Variants in NDUFAF2 observed in about 807,000 individuals in gnomAD.
NDUFAF2 encodes the protein NADH:ubiquinone oxidoreductase complex assembly factor 2.
In NDUFAF2, 13 loss-of-function variants were observed where a neutral mutation model predicts 22.8. The observed-to-expected ratio is 0.57, with a 90% CI of 0.37 to 0.91. The LOEUF is 0.91. NDUFAF2 is among the 40% of genes least tolerant of loss of function. The pLI is 0.01. For missense variants in NDUFAF2, 162 were observed against 195.2 expected (o/e 0.83, Z 1.01); for synonymous variants, 53 against 64.2 (o/e 0.83, Z 0.84).
At chr5:61,114,799 A>C (rs2613632) in intron 3 of NDUFAF2, 6,605 of 152,178 alleles carry the variant, frequency 0.043, 174 homozygotes, top group South Asian at 0.08. Flanking sequence ...GCAGACTTGT[A>C]GAAGTATTGT....
At chr5:61,089,111 T>C (rs772499202) in intron 2 of NDUFAF2, among the ~76,000 whole-genome samples, 1 of 152,168 alleles carries the variant, frequency 6.6e-6, no homozygotes, top group Non-Finnish European at 1.5e-5. Context: ...CTTTAAGTGA[T>C]TAAAGGGTGC....
chr5:60,986,266 G>A (rs1751074164), intron 1 of NDUFAF2, among the ~76,000 whole-genome samples: 1 of 152,138 alleles, frequency 6.6e-6, no homozygotes, highest in Non-Finnish European at 1.5e-5. Context: ...AGAGATGACT[G>A]GATAAAATGT....
At position 61,008,002 on chromosome 5, in the gene NDUFAF2, G is replaced by A. The variant is rs544135891; in HGVS notation, c.127+62620G>A. 1.9e-3 allele frequency among the ~76,000 whole-genome samples: 286 copies of A among 152,090 alleles called. 1 individual carries two copies. Among genetic ancestry groups the A allele is most frequent in the Non-Finnish European group, 3.0e-3 (205 of 67,992 alleles). ...AAATGATGATTTCATGTCCTTTGTAGGGACATGCATGAAATTGGAAATCAT... is the reference window on the plus strand; with the variant it reads ...AAATGATGATTTCATGTCCTTTGTAAGGACATGCATGAAATTGGAAATCAT... On this transcript the variant is annotated intron_variant, in intron 1 of 3. Coordinates refer to ENST00000296597, the MANE Select transcript of NDUFAF2 (RefSeq NM_174889.5).
At chr5:60,969,281 A>C (rs169700) in intron 1 of NDUFAF2, among the ~76,000 whole-genome samples, 100,211 of 151,812 alleles carry the variant, frequency 0.66, 33,454 homozygotes, top group East Asian at 0.94. Flanking sequence ...TTCTGAGGAA[A>C]CTCCAAACTG....
At chr5:60,953,741 A>T (rs1024672630) in intron 1 of NDUFAF2, among the ~76,000 whole-genome samples, 3 of 152,190 alleles carry the variant, frequency 2.0e-5, no homozygotes, top group African/African-American at 7.2e-5. Context: ...GAGGAAGAGT[A>T]TATGCATAAT....
At chr5:61,141,799 G>A (rs2111826621) in intron 3 of NDUFAF2, among the ~76,000 whole-genome samples, 1 of 152,128 alleles carries the variant, frequency 6.6e-6, no homozygotes, top group Middle Eastern at 3.4e-3. Context: ...TATTCTCTAG[G>A]GCAGGCTCTA....
chr5:61,097,741 A>G (rs1326805657), intron 2 of NDUFAF2, among the ~76,000 whole-genome samples: 1 of 152,176 alleles, frequency 6.6e-6, no homozygotes, highest in Non-Finnish European at 1.5e-5. Flanking sequence ...TTAGGGTCAC[A>G]CCTAGCCTGG....
intron 1 of NDUFAF2, among the ~76,000 whole-genome samples, chr5:61,030,953 A>T (rs567917549): frequency 1.3e-5 from 2 of 152,210 alleles, no homozygotes; most frequent in East Asian, 3.9e-4. Flanking sequence ...CCTTTGCCTT[A>T]GGTATCCCAC....
chr5:61,056,909 AAAAAAAAAAAATATATATATATATAT>A (rs1179537885), intron 1 of NDUFAF2, among the ~76,000 whole-genome samples: 32 of 42,208 alleles, frequency 7.6e-4, no homozygotes, highest in African/African-American at 2.9e-3. Context: ...AAAAAAAAAA[AAAAAAAAAAAATATATATATATATAT>A]ATATATATAT....
At chr5:61,049,057 T>C (rs1288023322) in intron 1 of NDUFAF2, among the ~76,000 whole-genome samples, 1 of 152,184 alleles carries the variant, frequency 6.6e-6, no homozygotes, top group Non-Finnish European at 1.5e-5. Context: ...CAGTATATTA[T>C]ATTAGAGTTT....
chr5:61,022,308 A>C (rs933474681), intron 1 of NDUFAF2, among the ~76,000 whole-genome samples: 11 of 152,160 alleles, frequency 7.2e-5, no homozygotes, highest in Admixed American at 5.9e-4. Flanking sequence ...ATATTCTTGC[A>C]TTCCATTCTC....
At chr5:61,115,711 C>G (rs1367074370) in intron 3 of NDUFAF2, 1 of 151,980 alleles carries the variant, frequency 6.6e-6, no homozygotes, top group Non-Finnish European at 1.5e-5. Context: ...TACATGACAG[C>G]TAAATGTAAC....
At chr5:61,100,003 A>G (rs1752687403) in intron 3 of NDUFAF2, among the ~76,000 whole-genome samples, 1 of 152,200 alleles carries the variant, frequency 6.6e-6, no homozygotes, top group South Asian at 2.1e-4. Context: ...TCATTCGGCC[A>G]GGGTCTGACT....
intron 1 of NDUFAF2, among the ~76,000 whole-genome samples, chr5:60,965,040 C>T (rs879583875): frequency 6.6e-6 from 1 of 152,156 alleles, no homozygotes; most frequent in Non-Finnish European, 1.5e-5. Flanking sequence ...GGTTCCCAAA[C>T]CTGGCCAATT....
At chr5:60,979,565 G>A (rs1750948650) in intron 1 of NDUFAF2, among the ~76,000 whole-genome samples, 1 of 152,166 alleles carries the variant, frequency 6.6e-6, no homozygotes, top group African/African-American at 2.4e-5. Context: ...GCCATAGGGT[G>A]AGACTTCTCT....
chr5:61,128,523 A>T (rs1579845172), intron 3 of NDUFAF2, among the ~76,000 whole-genome samples: 1 of 152,230 alleles, frequency 6.6e-6, no homozygotes, highest in African/African-American at 2.4e-5. Context: ...ATCTTTGATG[A>T]ACCTGACAAA....
chr5:60,976,254 G>A (rs565192712), intron 1 of NDUFAF2, among the ~76,000 whole-genome samples: 7 of 150,404 alleles, frequency 4.7e-5, no homozygotes, highest in Admixed American at 2.0e-4. Context: ...GTTTTAATAC[G>A]TCTCTAATTC....
chr5:60,996,693 A>G (rs1751232910), intron 1 of NDUFAF2, among the ~76,000 whole-genome samples: 1 of 152,152 alleles, frequency 6.6e-6, no homozygotes, highest in African/African-American at 2.4e-5. Flanking sequence ...GAGGTTTGCA[A>G]GTACTTAAGT....
intron 1 of NDUFAF2, among the ~76,000 whole-genome samples, chr5:61,010,532 C>T (rs1751430531): frequency 6.6e-6 from 1 of 152,066 alleles, no homozygotes; most frequent in Admixed American, 6.6e-5. Flanking sequence ...AATACATCTT[C>T]CCTGGGGAGG....
Sources: allele counts gnomAD v4.1 joint callset (sites outside exome capture counted in the v4.1 genomes callset), GRCh38; gene constraint gnomAD v4.1.1; transcripts MANE v1.5; gene names NCBI Gene and HGNC (gene_info 2026-07-23, HGNC 2026-07-21).